The following SHISA9 variants were observed in gnomAD, a reference collection of about 807,000 sequenced individuals.
The protein encoded by SHISA9 is shisa family member 9.
Under a neutral mutation model 38.0 loss-of-function variants are expected in SHISA9, and 13 were observed. That is an observed-to-expected ratio of 0.34 (90% CI 0.22 to 0.54). SHISA9 has a LOEUF of 0.54. Among genes scored for constraint, SHISA9 ranks in the 20% least tolerant of loss-of-function variants. SHISA9 has a pLI of 0.91. For synonymous variants in SHISA9, 275 were observed against 242.0 expected, an observed-to-expected ratio of 1.14 and a Z score of -1.27; for missense variants, 538 against 575.8, an observed-to-expected ratio of 0.93 and a Z score of 0.67.
the SHISA9 span, among the ~76,000 whole-genome samples, chr16:13,451,910 A>G: frequency 6.6e-6 from 1 of 152,302 alleles, no homozygotes; most frequent in East Asian, 1.9e-4. Context: ...TTCGGATTCA[A>G]ATTCATTCAC....
At chr16:13,112,154 T>C (rs1417841486) in intron 2 of SHISA9, among the ~76,000 whole-genome samples, 3 of 152,208 alleles carry the variant, frequency 2.0e-5, no homozygotes, top group African/African-American at 7.2e-5. Context: ...CTAGGTTGTT[T>C]CATGATTCGT....
the SHISA9 span, among the ~76,000 whole-genome samples, chr16:13,382,641 T>C: frequency 6.6e-6 from 1 of 151,926 alleles, no homozygotes; most frequent in African/African-American, 2.4e-5. Context: ...AGTGGATCAC[T>C]TGAGGTCAGG....
intron 2 of SHISA9, among the ~76,000 whole-genome samples, chr16:13,024,969 GA>G (rs1240769366): frequency 3.3e-5 from 5 of 152,150 alleles, no homozygotes; most frequent in African/African-American, 1.2e-4. Flanking sequence ...AGATATTGGG[GA>G]AGGATGTCTT....
chr16:13,094,706 C>A (rs1360520198), intron 2 of SHISA9, among the ~76,000 whole-genome samples: 1 of 152,088 alleles, frequency 6.6e-6, no homozygotes, highest in Non-Finnish European at 1.5e-5. Flanking sequence ...CCTGATTGGC[C>A]TGTAGACTTT....
chr16:12,942,126 G>C (rs539292613), intron 2 of SHISA9, among the ~76,000 whole-genome samples: 12 of 152,334 alleles, frequency 7.9e-5, no homozygotes, highest in Non-Finnish European at 1.5e-4. Context: ...ATGGAGACAG[G>C]AGGTAAAGAA....
chr16:13,314,324 C>A, the SHISA9 span, among the ~76,000 whole-genome samples: 3 of 152,086 alleles, frequency 2.0e-5, no homozygotes, highest in African/African-American at 7.2e-5. Context: ...ACCAATTCTC[C>A]TGCCTCAGCC....
the SHISA9 span, among the ~76,000 whole-genome samples, chr16:13,390,970 T>C: frequency 1.3e-5 from 2 of 152,076 alleles, no homozygotes; most frequent in East Asian, 1.9e-4. Context: ...ATTCCAACCA[T>C]GGCAATCTGT....
the SHISA9 span, among the ~76,000 whole-genome samples, chr16:13,321,340 A>AAATG: frequency 6.6e-6 from 1 of 152,230 alleles, no homozygotes; most frequent in Non-Finnish European, 1.5e-5. Flanking sequence ...GCATGTCAAT[A>AAATG]AATGAATGAA....
At chr16:13,137,136 A>G (rs190881461) in intron 2 of SHISA9, among the ~76,000 whole-genome samples, 1 of 152,298 alleles carries the variant, frequency 6.6e-6, no homozygotes, top group East Asian at 1.9e-4. Flanking sequence ...AGTCAAGTCC[A>G]GTTTTGCCTT....
chr16:12,953,821 G>A (rs2071792319), intron 2 of SHISA9, among the ~76,000 whole-genome samples: 2 of 152,182 alleles, frequency 1.3e-5, no homozygotes, highest in Admixed American at 6.5e-5. Context: ...TACAATCGTG[G>A]TGGAAGGCAA....
the SHISA9 span, among the ~76,000 whole-genome samples, chr16:13,245,879 A>G: frequency 6.6e-6 from 1 of 152,136 alleles, no homozygotes; most frequent in African/African-American, 2.4e-5. Flanking sequence ...AAGGTTCAGG[A>G]AGCTCTTGTC....
chr16:13,412,410 A>C, the SHISA9 span, among the ~76,000 whole-genome samples: 1 of 151,944 alleles, frequency 6.6e-6, no homozygotes, highest in Admixed American at 6.6e-5. Context: ...CCATCTCTTC[A>C]ATTCTCTTTC....
the SHISA9 span, among the ~76,000 whole-genome samples, chr16:13,545,206 G>A: frequency 6.6e-6 from 1 of 152,196 alleles, no homozygotes; most frequent in Non-Finnish European, 1.5e-5. Context: ...ATTTGTCCAA[G>A]ATCGCACACT....
chr16:13,094,542 A>G (rs957677115), intron 2 of SHISA9, among the ~76,000 whole-genome samples: 13 of 152,266 alleles, frequency 8.5e-5, no homozygotes, highest in Admixed American at 3.3e-4. Flanking sequence ...TACTCTGAAT[A>G]TTTTCTCAAA....
At chr16:12,923,879 A>G (rs2071361250) in intron 2 of SHISA9, among the ~76,000 whole-genome samples, 1 of 152,134 alleles carries the variant, frequency 6.6e-6, no homozygotes, top group Non-Finnish European at 1.5e-5. Flanking sequence ...GTGACATCAT[A>G]GTTAATAAAT....
At chr16:13,459,992 C>G in the SHISA9 span, among the ~76,000 whole-genome samples, 2 of 152,318 alleles carry the variant, frequency 1.3e-5, no homozygotes, top group African/African-American at 4.8e-5. Flanking sequence ...ACTACAAACT[C>G]TGCCTCCCAG....
chr16:13,253,345 C>T, the SHISA9 span, among the ~76,000 whole-genome samples: 4 of 152,082 alleles, frequency 2.6e-5, no homozygotes, highest in Non-Finnish European at 5.9e-5. Context: ...ATCATGTCAA[C>T]GTCATCAGTG....
At chr16:13,250,791 T>C in the SHISA9 span, among the ~76,000 whole-genome samples, 3 of 152,202 alleles carry the variant, frequency 2.0e-5, no homozygotes, top group African/African-American at 2.4e-5. Flanking sequence ...GCCATTTTAC[T>C]GTGAAGTCCA....
At chr16:13,201,903 T>C (rs2051009670) in intron 2 of SHISA9, among the ~76,000 whole-genome samples, 1 of 107,030 alleles carries the variant, frequency 9.3e-6, no homozygotes, top group Non-Finnish European at 1.9e-5. Context: ...GGGAAATGGG[T>C]TCACATACTA....
Sources: allele counts gnomAD v4.1 joint callset (sites outside exome capture counted in the v4.1 genomes callset), GRCh38; gene constraint gnomAD v4.1.1; transcripts MANE v1.5; gene names NCBI Gene and HGNC (gene_info 2026-07-23, HGNC 2026-07-21).